Variants in IFFO2 observed in about 807,000 individuals in gnomAD.
The protein encoded by IFFO2 is intermediate filament family orphan 2.
A neutral mutation model predicts 53.5 loss-of-function variants in IFFO2; 19 were observed. The ratio of observed to expected loss-of-function variants is 0.36; its 90% CI spans 0.25 to 0.52. The LOEUF (loss-of-function observed/expected upper bound fraction) is 0.52. Ranked by LOEUF, IFFO2 falls within the 20% of genes least tolerant of loss-of-function variation. The pLI is 0.94. For missense variants in IFFO2, 570 were observed against 727.4 expected (o/e 0.78, Z 2.49); for synonymous variants, 303 against 313.6 (o/e 0.97, Z 0.36).
intron 5 of IFFO2, among the ~76,000 whole-genome samples, chr1:18,914,540 G>T (rs1394165583): frequency 1.3e-5 from 2 of 152,166 alleles, no homozygotes; most frequent in Non-Finnish European, 2.9e-5. Context: ...CTATTGGCCA[G>T]GTGCAGTGGC....
In IFFO2 at chr1:18,951,210, G is replaced by T. The variant is rs542078221; in HGVS notation, c.665+4458C>A. ...AGTCAGAGAGGCATGGAGCTATGGT[G>T]GGCAACATGGGTCAAATCTCAGGTA... On this transcript the variant is annotated intron_variant, in intron 1 of 8. Coordinates refer to ENST00000455833, the MANE Select transcript of IFFO2 (RefSeq NM_001136265.2). Among the ~76,000 whole-genome samples, 4 of 152,268 alleles carry T rather than the reference G, an allele frequency of 2.6e-5. No homozygotes were observed. In the South Asian group the frequency reaches 8.3e-4, roughly 32 times the overall value.
In IFFO2 at chr1:18,906,145, GC is replaced by G. The variant is rs1196859084; in HGVS notation, c.*2415del. Reference sequence around the variant, plus strand: ...CTGGCTTTCCCTCTCCTACCCACCTGCCCCAAGTCCTCACTCCCAAGAGGAG... The same window carrying G: ...CTGGCTTTCCCTCTCCTACCCACCTGCCCAAGTCCTCACTCCCAAGAGGAG... On this transcript the variant is annotated 3_prime_UTR_variant, in exon 9 of 9. Coordinates refer to ENST00000455833, the MANE Select transcript of IFFO2 (RefSeq NM_001136265.2). The G allele has an allele frequency of 6.6e-6, 1 of 152,122 alleles. No individual in the cohort carries two copies. Among genetic ancestry groups the G allele is most frequent in the African/African-American group, 2.4e-5 (1 of 41,392 alleles). 9.4% of individuals were successfully genotyped at this position (152,122 alleles called of 1,614,324 possible). A position where few individuals can be genotyped will look rare whatever the true frequency, so the allele number is the denominator to read the frequency against.
chr1:18,927,938 A>G (rs1412364467), intron 1 of IFFO2, among the ~76,000 whole-genome samples: 1 of 152,218 alleles, frequency 6.6e-6, no homozygotes, highest in Non-Finnish European at 1.5e-5. Flanking sequence ...GACAATTCAT[A>G]TTTAAGGCAG....
chr1:18,918,349 C>T lies in IFFO2; in HGVS notation c.963+13G>A. On this transcript the variant is annotated intron_variant, in intron 4 of 8. Transcript: ENST00000455833. This position sits in a 1 kb window ranked among gnomAD's most constrained non-coding sequence, Gnocchi z 5.2. ...GTGGGGGGTTGGCTGGTGAGCAGGG[C>T]AGCCCTAGTCACCTGGAAGATCTTG... 3 of 1,549,080 alleles carry T rather than the reference C, an allele frequency of 1.9e-6. No individual in the cohort carries two copies. In the South Asian group the frequency reaches 3.6e-5, roughly 18 times the overall value.
In IFFO2 at chr1:18,918,578, A is replaced by C. The variant is rs1569839291; in HGVS notation, c.823-76T>G. 3 of 1,446,022 alleles carry C rather than the reference A, an allele frequency of 2.1e-6. No homozygotes were observed. Among genetic ancestry groups the C allele is most frequent in the African/African-American group, 1.4e-5 (1 of 69,340 alleles). 89.6% of individuals were successfully genotyped at this position (1,446,022 alleles called of 1,614,324 possible). On this transcript the variant is annotated intron_variant, in intron 3 of 8. Coordinates refer to ENST00000455833, the MANE Select transcript of IFFO2 (RefSeq NM_001136265.2). The surrounding 1 kb of genome is among the most constrained non-coding windows in gnomAD (Gnocchi z 5.2). ...GGGGGCTTGGCAGAGAGGTGGGGAGACCCCTAGGTGTCAGCAGGGGTGGTG... is the reference window on the plus strand; with the variant it reads ...GGGGGCTTGGCAGAGAGGTGGGGAGCCCCCTAGGTGTCAGCAGGGGTGGTG...
chr1:18,908,717 G>A lies in IFFO2; in HGVS notation c.1449-51C>T, dbSNP rs142126391. The A allele has an allele frequency of 6.5e-4, 895 of 1,370,898 alleles. 8 individuals carry two copies. In the African/African-American group the frequency reaches 0.012, roughly 18 times the overall value. The allele number at this position is 1,370,898 out of a possible 1,614,324, so 84.9% of individuals were successfully genotyped here. The stretch of plus-strand genomic sequence containing the variant: ...ATTCAGAGAGCAGCCCTGGGCCTCT[G>A]AAGGGTCAAGGAGTGGGAAGGCTGA... On this transcript the variant is annotated intron_variant, in intron 8 of 8. Coordinates refer to ENST00000455833, the MANE Select transcript of IFFO2 (RefSeq NM_001136265.2).
At position 18,905,270 on chromosome 1, in the gene IFFO2, T is replaced by A. The variant is rs539293525; in HGVS notation, c.*3291A>T. On this transcript the variant is annotated 3_prime_UTR_variant, in exon 9 of 9. Transcript: ENST00000455833. ...ACACTCTGCTGAAGCTGCTCATGGG[T>A]GTGGATGACCAAAAGTGAGGACAGA... 3.3e-5 allele frequency: 5 copies of A among 150,478 alleles called. No individual in the cohort carries two copies. The South Asian group carries it at 1.1e-3, about 32-fold the overall frequency. The allele number at this position is 150,478 out of a possible 1,614,324, so 9.3% of individuals were successfully genotyped here. A position where few individuals can be genotyped will look rare whatever the true frequency, so the allele number is the denominator to read the frequency against.
chr1:18,942,621 G>A (rs1163845947), intron 1 of IFFO2, among the ~76,000 whole-genome samples: 3 of 152,148 alleles, frequency 2.0e-5, no homozygotes, highest in South Asian at 2.1e-4. Context: ...CCCAAATCAC[G>A]GGCCAACAGG....
At chr1:18,932,258 C>T (rs1936388464) in intron 1 of IFFO2, among the ~76,000 whole-genome samples, 1 of 152,258 alleles carries the variant, frequency 6.6e-6, no homozygotes, top group African/African-American at 2.4e-5. Flanking sequence ...AGGCTCTCGT[C>T]CCTTCTCCGC....
At chr1:18,927,121 G>C (rs1936312464) in intron 1 of IFFO2, among the ~76,000 whole-genome samples, 1 of 152,200 alleles carries the variant, frequency 6.6e-6, no homozygotes, top group South Asian at 2.1e-4. Context: ...GTGGCTGTGA[G>C]AACTACAGGA....
Position 18,917,146 on chromosome 1 carries a change from G to T in IFFO2, c.964-104C>A. The T allele has an allele frequency of 3.0e-6, 4 of 1,315,878 alleles. No individual in the cohort carries two copies. In the South Asian group the frequency reaches 4.2e-5, roughly 14 times the overall value. The allele number at this position is 1,315,878 out of a possible 1,614,324, so 81.5% of individuals were successfully genotyped here. ...CGGCATCTCACAGGATGATGAGCGTGACTGGGGCCGGCCAGTGCCAGGAAA... is the reference window on the plus strand; with the variant it reads ...CGGCATCTCACAGGATGATGAGCGTTACTGGGGCCGGCCAGTGCCAGGAAA... On this transcript the variant is annotated intron_variant, in intron 4 of 8. Transcript: ENST00000455833. The surrounding 1 kb of genome is among the most constrained non-coding windows in gnomAD (Gnocchi z 5.9).
chr1:18,922,623 T>C (rs1225856859), intron 1 of IFFO2, among the ~76,000 whole-genome samples: 1 of 152,068 alleles, frequency 6.6e-6, no homozygotes, highest in Non-Finnish European at 1.5e-5. Context: ...CATTAGCTGT[T>C]AGGCTGAGAT....
Position 18,916,772 on chromosome 1 carries a change from C to CAAA in IFFO2, c.1103+128_1103+130dup. ...TGGGTGACAAAGTGAGACCCTGTCT[C>CAAA]AAAAAAAAAAAGGAAATGAATTCAA... On this transcript the variant is annotated intron_variant, in intron 5 of 8. Coordinates refer to ENST00000455833, the MANE Select transcript of IFFO2 (RefSeq NM_001136265.2). The surrounding 1 kb of genome is among the most constrained non-coding windows in gnomAD (Gnocchi z 4.3). 2.1e-6 allele frequency: 2 copies of CAAA among 953,826 alleles called. No individual in the cohort carries two copies. The highest frequency in any genetic ancestry group is 3.3e-5 in the East Asian group (1 of 30,046). The allele number at this position is 953,826 out of a possible 1,614,324, so 59.1% of individuals were successfully genotyped here.
At chr1:18,933,128 G>C (rs1164170356) in intron 1 of IFFO2, among the ~76,000 whole-genome samples, 1 of 152,268 alleles carries the variant, frequency 6.6e-6, no homozygotes, top group African/African-American at 2.4e-5. Context: ...CCTGCTGAGA[G>C]AGGGGAGGCG....
rs1380152756 is a variant in IFFO2 at position 18,917,595 on chromosome 1, G to C, written c.964-553C>G. On this transcript the variant is annotated intron_variant, in intron 4 of 8. Transcript: ENST00000455833. This position sits in a 1 kb window ranked among gnomAD's most constrained non-coding sequence, Gnocchi z 5.9. ...CAAGAAGGCATGGAGGTGGAGAGAG[G>C]GCCCCAGGGAGGCCCAGATCTGGCC... Among the ~76,000 whole-genome samples, 2 of 152,168 alleles carry C rather than the reference G, an allele frequency of 1.3e-5. No homozygotes were observed. Among genetic ancestry groups the C allele is most frequent in the African/African-American group, 4.8e-5 (2 of 41,444 alleles).
At chr1:18,913,703 T>C (rs1002539005) in intron 5 of IFFO2, among the ~76,000 whole-genome samples, 9 of 152,016 alleles carry the variant, frequency 5.9e-5, no homozygotes, top group African/African-American at 2.2e-4. Flanking sequence ...GGTGGAGATG[T>C]CCATGGGAAA....
intron 1 of IFFO2, among the ~76,000 whole-genome samples, chr1:18,921,473 A>G (rs1271657085): frequency 1.3e-5 from 2 of 152,272 alleles, no homozygotes; most frequent in African/African-American, 4.8e-5. Context: ...TGCAAGATGC[A>G]GTAGCAAAGC....
In IFFO2 at chr1:18,916,560, A is replaced by G. The variant is rs1936135507; in HGVS notation, c.1103+343T>C. Among the ~76,000 whole-genome samples, 1 of 152,196 alleles carries G rather than the reference A, an allele frequency of 6.6e-6. No homozygotes were observed. Among genetic ancestry groups the G allele is most frequent in the South Asian group, 2.1e-4 (1 of 4,828 alleles). On this transcript the variant is annotated intron_variant, in intron 5 of 8. Transcript: ENST00000455833. The surrounding 1 kb of genome is among the most constrained non-coding windows in gnomAD (Gnocchi z 4.3). ...GCAGAAGCATCGCTTGAGCTCAGGA[A>G]TTTGAGACCAGCCTGGGCAACACAG...
intron 1 of IFFO2, among the ~76,000 whole-genome samples, chr1:18,922,793 C>A (rs116910118): frequency 0.015 from 2,267 of 152,236 alleles, 27 homozygotes; most frequent in East Asian, 0.049. Flanking sequence ...ACAGATGGGG[C>A]AACTGAAGCC....
Sources: gnomAD v4.1 joint callset for allele counts (sites outside exome capture counted in the v4.1 genomes callset) on GRCh38, gnomAD v4.1.1 for gene constraint, Gnocchi (gnomAD v3.1) non-coding constraint, MANE v1.5 for transcripts, NCBI Gene and HGNC (gene_info 2026-07-23, HGNC 2026-07-21) for gene names.